The following LSAMP variants were observed in gnomAD, a reference collection of about 807,000 sequenced individuals.
The protein encoded by LSAMP is limbic system associated membrane protein.
Under a neutral mutation model 38.6 loss-of-function variants are expected in LSAMP, and 7 were observed. The ratio of observed to expected loss-of-function variants is 0.18; its 90% CI spans 0.10 to 0.34. The LOEUF (loss-of-function observed/expected upper bound fraction) is 0.34, where lower values mean the gene tolerates loss of function less well. Among genes scored for constraint, LSAMP ranks in the 10% least tolerant of loss-of-function variants. The pLI is 1.00. For synonymous variants in LSAMP, 154 were observed against 166.8 expected (o/e 0.92, Z 0.59); for missense variants, 313 against 420.0 (o/e 0.75, Z 2.23).
At chr3:116,257,196 A>G (rs995766610) in intron 1 of LSAMP, among the ~76,000 whole-genome samples, 1 of 152,202 alleles carries the variant, frequency 6.6e-6, no homozygotes, top group Non-Finnish European at 1.5e-5. Flanking sequence ...CAAGCGTTAT[A>G]GTTACAGGGA....
At chr3:115,935,070 AC>A (rs1267794756) in intron 3 of LSAMP, among the ~76,000 whole-genome samples, 1 of 152,050 alleles carries the variant, frequency 6.6e-6, no homozygotes, top group African/African-American at 2.4e-5. Context: ...AACAAAAAAA[AC>A]CTCACCAAAT....
At chr3:115,815,315 A>G (rs1448132070) in intron 6 of LSAMP, among the ~76,000 whole-genome samples, 3 of 152,172 alleles carry the variant, frequency 2.0e-5, no homozygotes, top group East Asian at 1.9e-4. Context: ...GTTCTGTACT[A>G]TCTGCAGTTT....
chr3:115,911,185 AG>A (rs1398645405), intron 3 of LSAMP, among the ~76,000 whole-genome samples: 10 of 152,226 alleles, frequency 6.6e-5, no homozygotes, highest in Non-Finnish European at 1.5e-4. Context: ...ACATGGTAAA[AG>A]CTCAATAAAT....
chr3:116,131,095 A>G (rs974624403), intron 1 of LSAMP, among the ~76,000 whole-genome samples: 9 of 145,490 alleles, frequency 6.2e-5, no homozygotes, highest in East Asian at 2.0e-4. Flanking sequence ...GGTTCACGCC[A>G]TTCTCCTGCC....
At chr3:116,351,648 C>T (rs377155048) in intron 1 of LSAMP, among the ~76,000 whole-genome samples, 17 of 152,114 alleles carry the variant, frequency 1.1e-4, no homozygotes, top group African/African-American at 2.6e-4. Context: ...GAATGGATGG[C>T]GGTGATGAAC....
At chr3:116,319,277 T>C (rs577096078) in intron 1 of LSAMP, among the ~76,000 whole-genome samples, 1 of 152,356 alleles carries the variant, frequency 6.6e-6, no homozygotes, top group South Asian at 2.1e-4. Flanking sequence ...AATTTGGGTA[T>C]ACATATTCCC....
chr3:116,353,445 GC>G (rs746328313), intron 1 of LSAMP, among the ~76,000 whole-genome samples: 39 of 152,150 alleles, frequency 2.6e-4, no homozygotes, highest in Non-Finnish European at 4.7e-4. Flanking sequence ...TACTTCGTAT[GC>G]AAAAGTTATG....
intron 3 of LSAMP, among the ~76,000 whole-genome samples, chr3:115,924,340 T>C (rs1937451171): frequency 6.6e-6 from 1 of 152,192 alleles, no homozygotes; most frequent in South Asian, 2.1e-4. Context: ...CTTTTCATCG[T>C]CTCTTCTGGT....
At chr3:116,222,099 T>C (rs1576442723) in intron 1 of LSAMP, among the ~76,000 whole-genome samples, 1 of 151,944 alleles carries the variant, frequency 6.6e-6, no homozygotes, top group Non-Finnish European at 1.5e-5. Flanking sequence ...AAAGATGGGT[T>C]TATACAAGCC....
intron 1 of LSAMP, among the ~76,000 whole-genome samples, chr3:116,251,465 C>T (rs562037713): frequency 1.3e-5 from 2 of 152,274 alleles, no homozygotes; most frequent in African/African-American, 2.4e-5. Flanking sequence ...TTACCCATAA[C>T]GTTAATCACA....
intron 6 of LSAMP, among the ~76,000 whole-genome samples, chr3:115,823,581 A>G (rs1934315697): frequency 6.6e-6 from 1 of 152,218 alleles, no homozygotes; most frequent in Non-Finnish European, 1.5e-5. Context: ...CATAATGAGA[A>G]TGCATAACAT....
At chr3:115,845,846 C>T (rs1935140998) in intron 4 of LSAMP, among the ~76,000 whole-genome samples, 1 of 152,214 alleles carries the variant, frequency 6.6e-6, no homozygotes, top group Admixed American at 6.5e-5. Context: ...GGGAAGCTGG[C>T]AGCAAACTAG....
At chr3:116,372,253 A>C (rs2048438981) in intron 1 of LSAMP, among the ~76,000 whole-genome samples, 1 of 152,054 alleles carries the variant, frequency 6.6e-6, no homozygotes, top group Non-Finnish European at 1.5e-5. Context: ...ACAGAGCCCC[A>C]AAATAAAGCT....
chr3:116,347,050 A>C (rs2048072427), intron 1 of LSAMP, among the ~76,000 whole-genome samples: 1 of 152,222 alleles, frequency 6.6e-6, no homozygotes. Context: ...AATACAGAAA[A>C]CCAACTATAT....
chr3:115,950,534 C>A (rs182189595), intron 3 of LSAMP, among the ~76,000 whole-genome samples: 14 of 151,946 alleles, frequency 9.2e-5, no homozygotes, highest in Non-Finnish European at 1.8e-4. Context: ...TGTACCTAAT[C>A]AAGAAGGTGA....
intron 2 of LSAMP, among the ~76,000 whole-genome samples, chr3:116,022,168 T>C (rs983859366): frequency 2.0e-5 from 3 of 152,152 alleles, no homozygotes; most frequent in African/African-American, 7.2e-5. Flanking sequence ...CTTCCTCCCA[T>C]AAGCATGTAC....
chr3:115,995,755 C>G (rs1472343134), intron 3 of LSAMP, among the ~76,000 whole-genome samples: 1 of 152,042 alleles, frequency 6.6e-6, no homozygotes, highest in Non-Finnish European at 1.5e-5. Flanking sequence ...TAAGAAAACT[C>G]ATGTTACATT....
intron 1 of LSAMP, among the ~76,000 whole-genome samples, chr3:116,276,086 G>T (rs548651341): frequency 6.6e-6 from 1 of 152,298 alleles, no homozygotes; most frequent in South Asian, 2.1e-4. Flanking sequence ...TGATTTGATG[G>T]ATTCAACAGG....
chr3:116,250,533 A>G (rs1403397120), intron 1 of LSAMP, among the ~76,000 whole-genome samples: 1 of 152,110 alleles, frequency 6.6e-6, no homozygotes, highest in Admixed American at 6.6e-5. Flanking sequence ...CTACCTTCAT[A>G]AATGTCTAAG....
Sources: allele counts gnomAD v4.1 joint callset (sites outside exome capture counted in the v4.1 genomes callset), GRCh38; gene constraint gnomAD v4.1.1; transcripts MANE v1.5; gene names NCBI Gene and HGNC (gene_info 2026-07-23, HGNC 2026-07-21).